The following IPO11 variants were observed in gnomAD, a reference collection of about 807,000 sequenced individuals.
IPO11 encodes importin 11.
In IPO11, 66 loss-of-function variants were observed where a neutral mutation model predicts 143.2. The ratio of observed to expected loss-of-function variants is 0.46; its 90% CI spans 0.38 to 0.57. IPO11 has a LOEUF of 0.57. Ranked by LOEUF, IPO11 falls within the 20% of genes least tolerant of loss-of-function variation. IPO11 has a pLI of 0.00. For synonymous variants in IPO11, 385 were observed against 377.8 expected (o/e 1.02, Z -0.22); for missense variants, 1,026 against 1,141.0 (o/e 0.90, Z 1.45).
chr5:62,519,418 C>A (rs531752085), intron 20 of IPO11, among the ~76,000 whole-genome samples: 1 of 152,296 alleles, frequency 6.6e-6, no homozygotes, highest in East Asian at 1.9e-4. Context: ...CTTTCTCACT[C>A]TAACATATTG....
intron 2 of IPO11, among the ~76,000 whole-genome samples, chr5:62,441,849 A>G (rs770155450): frequency 6.8e-6 from 1 of 146,314 alleles, no homozygotes. Context: ...TCTGCTATCA[A>G]ACTTTTTTTT....
chr5:62,579,046 TATA>T (rs1387867841), intron 27 of IPO11: 118 of 239,898 alleles, frequency 4.9e-4, no homozygotes, highest in Admixed American at 1.6e-4. Context: ...TTTCATAAAT[TATA>T]ATGTTATTTG....
At position 62,536,696 on chromosome 5, in the gene IPO11, TG is replaced by T. The variant is rs770969095; in HGVS notation, c.2090-4del. The T allele has an allele frequency of 6.3e-7, 1 of 1,575,652 alleles. No homozygotes were observed. Among genetic ancestry groups the T allele is most frequent in the Non-Finnish European group, 8.6e-7 (1 of 1,167,626 alleles). ...GTTTTTTGTTTGACATTTATTGTTT[TG>T]GCAGAACTAAGTTCAGAAAATCTTA... is the stretch of plus-strand genomic sequence containing the variant. On this transcript the variant is annotated splice_region_variant and splice_polypyrimidine_tract_variant and intron_variant, in intron 22 of 29. Transcript: ENST00000325324.
In IPO11 at chr5:62,476,729, G is replaced by A; in HGVS notation, c.804G>A (p.Lys268=). 1.3e-6 allele frequency: 2 copies of A among 1,518,990 alleles called. No homozygotes were observed. Among genetic ancestry groups the A allele is most frequent in the African/African-American group, 1.4e-5 (1 of 70,720 alleles). The allele number at this position is 1,518,990 out of a possible 1,614,324, so 94.1% of individuals were successfully genotyped here. A position where few individuals can be genotyped will look rare whatever the true frequency, so the allele number is the denominator to read the frequency against. The change falls in exon 9 of 30, where the codon AAG becomes AAA. Residue 268 remains lysine (K), a synonymous_variant. Coordinates refer to ENST00000325324, the MANE Select transcript of IPO11 (RefSeq NM_016338.5). ...TDNVCRDRLE[K]TIILFTKVLL... ...ATGTGTGTAGAGATAGACTGGAAAA[G>A]ACCATCATTCTTTTTACTAAAGTGG...
At chr5:62,481,935 G>C (rs564225869) in intron 9 of IPO11, among the ~76,000 whole-genome samples, 2 of 152,180 alleles carry the variant, frequency 1.3e-5, no homozygotes, top group Admixed American at 1.3e-4. Flanking sequence ...TTTTTTGATT[G>C]GTAAGCTATT....
chr5:62,552,078 CA>C (rs1743407267), intron 26 of IPO11, among the ~76,000 whole-genome samples: 1 of 151,948 alleles, frequency 6.6e-6, no homozygotes, highest in Admixed American at 6.6e-5. Flanking sequence ...GAGTGGAGAT[CA>C]TGCCACTGCA....
At chr5:62,547,359 A>G (rs1743239498) in intron 24 of IPO11, among the ~76,000 whole-genome samples, 1 of 152,152 alleles carries the variant, frequency 6.6e-6, no homozygotes, top group Non-Finnish European at 1.5e-5. Flanking sequence ...CAAATTCGTC[A>G]TGTCAGAGTG....
At position 62,422,765 on chromosome 5, in the gene IPO11, C is replaced by T. The variant is rs35975805; in HGVS notation, c.-7+9836C>T. Among the ~76,000 whole-genome samples the T allele has an allele frequency of 4.4e-3, 664 of 152,258 alleles. 4 individuals are homozygous for T. The highest frequency in any genetic ancestry group is 7.1e-3 in the Non-Finnish European group (480 of 68,022). ...GTCTTCCTCTCACAGGTCTGCCTCCCCTGTCTATTGTCTTCTTACATACTT... is the reference window on the plus strand; with the variant it reads ...GTCTTCCTCTCACAGGTCTGCCTCCTCTGTCTATTGTCTTCTTACATACTT... On this transcript the variant is annotated intron_variant, in intron 1 of 29. Transcript: ENST00000325324.
intron 20 of IPO11, among the ~76,000 whole-genome samples, chr5:62,523,359 G>T (rs1048958718): frequency 6.6e-6 from 1 of 152,168 alleles, no homozygotes; most frequent in South Asian, 2.1e-4. Flanking sequence ...GGAACATAGA[G>T]TACAGAGCTT....
intron 27 of IPO11, among the ~76,000 whole-genome samples, chr5:62,570,743 A>C (rs1744106576): frequency 6.6e-6 from 1 of 152,198 alleles, no homozygotes; most frequent in South Asian, 2.1e-4. Context: ...AAATTAGATA[A>C]AAGCTTCTGG....
chr5:62,569,425 C>G (rs1193771358), intron 27 of IPO11, among the ~76,000 whole-genome samples: 3 of 152,118 alleles, frequency 2.0e-5, no homozygotes, highest in African/African-American at 7.2e-5. Flanking sequence ...AATTGGTGTT[C>G]CAGTGGAGGA....
chr5:62,605,780 G>C (rs1745689063), intron 29 of IPO11, among the ~76,000 whole-genome samples: 1 of 151,296 alleles, frequency 6.6e-6, no homozygotes, highest in African/African-American at 2.4e-5. Flanking sequence ...CTGTTGTCCA[G>C]GTTGGAGTGC....
intron 10 of IPO11, 86 bp from the exon 11 acceptor site, chr5:62,483,924 T>G: frequency 9.0e-7 from 1 of 1,105,012 alleles, no homozygotes; most frequent in Admixed American, 2.6e-5. Flanking sequence ...TCCCTGAGAG[T>G]GTATTTTTTA....
chr5:62,622,333 A>G (rs1746408766), intron 29 of IPO11, among the ~76,000 whole-genome samples: 1 of 152,170 alleles, frequency 6.6e-6, no homozygotes, highest in Admixed American at 6.5e-5. Context: ...TGATTCCCTT[A>G]TGCTGCCAAG....
At chr5:62,448,964 ATTAAT>A (rs1482389991) in intron 3 of IPO11, among the ~76,000 whole-genome samples, 3 of 152,160 alleles carry the variant, frequency 2.0e-5, no homozygotes, top group Admixed American at 6.5e-5. Flanking sequence ...ATTTAATTTA[ATTAAT>A]TTAATTCTGA....
intron 19 of IPO11, among the ~76,000 whole-genome samples, chr5:62,511,522 T>G (rs1165191654): frequency 6.6e-6 from 1 of 152,266 alleles, no homozygotes; most frequent in East Asian, 1.9e-4. Context: ...CTTACTGAGA[T>G]ATTTGTGCAA....
At chr5:62,471,332 A>G (rs1002082033) in intron 7 of IPO11, among the ~76,000 whole-genome samples, 3 of 152,208 alleles carry the variant, frequency 2.0e-5, no homozygotes, top group African/African-American at 7.2e-5. Context: ...CATTAAAAAA[A>G]ATAGTATTTT....
At chr5:62,518,443 CA>C (rs34612879) in intron 20 of IPO11, among the ~76,000 whole-genome samples, 1,510 of 132,388 alleles carry the variant, frequency 0.011, 20 homozygotes, top group African/African-American at 0.035. Context: ...GACTCTGTCT[CA>C]AAAAAAAAAA....
At chr5:62,488,997 G>C (rs1021446907) in intron 13 of IPO11, among the ~76,000 whole-genome samples, 2 of 152,154 alleles carry the variant, frequency 1.3e-5, no homozygotes, top group Non-Finnish European at 2.9e-5. Context: ...GACAAAGCAA[G>C]ACCTTGTCTC....
Sources: gnomAD v4.1 joint callset for allele counts (sites outside exome capture counted in the v4.1 genomes callset) on GRCh38, gnomAD v4.1.1 for gene constraint, MANE v1.5 for transcripts, NCBI Gene and HGNC (gene_info 2026-07-23, HGNC 2026-07-21) for gene names.